LRFN5: variants seen among roughly 807,000 people sequenced by gnomAD.
LRFN5 encodes the protein leucine rich repeat and fibronectin type III domain containing 5, also known as leucine-rich repeat and fibronectin type-III domain-containing protein 5.
A neutral mutation model predicts 45.6 loss-of-function variants in LRFN5; 24 were observed. The ratio of observed to expected loss-of-function variants is 0.53; its 90% CI spans 0.38 to 0.74. The LOEUF (loss-of-function observed/expected upper bound fraction) is 0.74, where lower values mean the gene tolerates loss of function less well. Ranked by LOEUF, LRFN5 falls within the 30% of genes least tolerant of loss-of-function variation. LRFN5 has a pLI of 0.00. For synonymous variants in LRFN5, 340 were observed against 313.8 expected (o/e 1.08, Z -0.88); for missense variants, 776 against 861.5 (o/e 0.90, Z 1.24).
At chr14:41,751,879 A>C in intron 1 of LRFN5, among the ~76,000 whole-genome samples, 1 of 151,520 alleles carries the variant, frequency 6.6e-6, no homozygotes, top group Non-Finnish European at 1.5e-5. Context: ...TTGTCATTTA[A>C]CATTAGGCAT....
intron 1 of LRFN5, among the ~76,000 whole-genome samples, chr14:41,675,256 G>A (rs1203714215): frequency 2.6e-5 from 4 of 152,250 alleles, no homozygotes; most frequent in Non-Finnish European, 4.4e-5. Context: ...GCAGGCGGGT[G>A]GGAGGTGGAG....
At chr14:41,700,009 A>T (rs568586150) in intron 1 of LRFN5, 1 of 152,270 alleles carries the variant, frequency 6.6e-6, no homozygotes, top group African/African-American at 2.4e-5. Context: ...CAACTCAGGA[A>T]AAAATGATCA....
intron 1 of LRFN5, among the ~76,000 whole-genome samples, chr14:41,728,475 C>T (rs1424742085): frequency 6.6e-6 from 1 of 152,100 alleles, no homozygotes; most frequent in African/African-American, 2.4e-5. Context: ...GGAAGTCTTT[C>T]AAGTATGAAA....
At chr14:41,833,000 A>G (rs954518689) in intron 2 of LRFN5, among the ~76,000 whole-genome samples, 1 of 152,136 alleles carries the variant, frequency 6.6e-6, no homozygotes, top group African/African-American at 2.4e-5. Context: ...ATGTGGTCCA[A>G]TGGTCCTATA....
intron 1 of LRFN5, among the ~76,000 whole-genome samples, chr14:41,674,984 C>G (rs1446694755): frequency 6.7e-6 from 1 of 149,930 alleles, no homozygotes; most frequent in Non-Finnish European, 1.5e-5. Flanking sequence ...GGCAAAGTCG[C>G]TCCCCACATC....
At chr14:41,759,172 A>T (rs1002706879) in intron 1 of LRFN5, among the ~76,000 whole-genome samples, 6 of 152,170 alleles carry the variant, frequency 3.9e-5, no homozygotes, top group Admixed American at 2.6e-4. Context: ...TGTGTTTTTA[A>T]GTCCTCCTTC....
chr14:41,659,735 A>T (rs1880549549), intron 1 of LRFN5, among the ~76,000 whole-genome samples: 1 of 152,038 alleles, frequency 6.6e-6, no homozygotes, highest in South Asian at 2.1e-4. Flanking sequence ...CTTTTTAATG[A>T]TCGCCATTCT....
intron 1 of LRFN5, among the ~76,000 whole-genome samples, chr14:41,632,020 A>G (rs145903894): frequency 5.4e-4 from 82 of 152,266 alleles, no homozygotes; most frequent in African/African-American, 1.9e-3. Context: ...ACACAAAGGA[A>G]AAACAAGGGA....
At chr14:41,652,518 A>T (rs1249042825) in intron 1 of LRFN5, among the ~76,000 whole-genome samples, 1 of 152,218 alleles carries the variant, frequency 6.6e-6, no homozygotes. Context: ...AATCAATAAA[A>T]TAAGTTTAGC....
chr14:41,725,549 T>C (rs1299618275), intron 1 of LRFN5, among the ~76,000 whole-genome samples: 1 of 139,764 alleles, frequency 7.2e-6, no homozygotes, highest in Non-Finnish European at 1.6e-5. Context: ...CTTAATTCCA[T>C]AGTTGTTGTA....
At chr14:41,696,443 A>G (rs1448585313) in intron 1 of LRFN5, among the ~76,000 whole-genome samples, 4 of 149,880 alleles carry the variant, frequency 2.7e-5, no homozygotes, top group East Asian at 4.0e-4. Context: ...AATATTTTGT[A>G]TATTCGTATA....
intron 1 of LRFN5, among the ~76,000 whole-genome samples, chr14:41,685,321 GT>G (rs201119650): frequency 1.3e-5 from 2 of 151,846 alleles, no homozygotes; most frequent in South Asian, 4.2e-4. Flanking sequence ...AAGGAAATCA[GT>G]TTTTTTTGAA....
intron 2 of LRFN5, among the ~76,000 whole-genome samples, chr14:41,832,592 C>T (rs1370968830): frequency 6.6e-5 from 10 of 152,118 alleles, no homozygotes; most frequent in African/African-American, 1.9e-4. Flanking sequence ...GAGCTGTTCA[C>T]CTTTGCACAA....
intron 1 of LRFN5, among the ~76,000 whole-genome samples, chr14:41,742,463 A>G (rs1884742263): frequency 6.6e-6 from 1 of 152,170 alleles, no homozygotes; most frequent in Admixed American, 6.6e-5. Context: ...ATAGTTTATG[A>G]TCTAACTTAT....
In LRFN5 at chr14:41,778,124, A is replaced by G. The variant is rs576903105; in HGVS notation, c.-21+11095A>G. Reference sequence around the variant, plus strand: ...TAATGTCCCTTCTCAGCTCTTTTCCAGAAAACTTTATTTTGGCATATTTAA... The same window carrying G: ...TAATGTCCCTTCTCAGCTCTTTTCCGGAAAACTTTATTTTGGCATATTTAA... On this transcript the variant is annotated intron_variant, in intron 2 of 5. Transcript: ENST00000298119. Among the ~76,000 whole-genome samples, 3 of 151,694 alleles carry G rather than the reference A, an allele frequency of 2.0e-5. No homozygotes were observed. In the South Asian group the frequency reaches 6.2e-4, roughly 31 times the overall value.
chr14:41,640,221 G>A (rs1017267523), intron 1 of LRFN5, among the ~76,000 whole-genome samples: 2 of 151,930 alleles, frequency 1.3e-5, no homozygotes, highest in African/African-American at 2.4e-5. Flanking sequence ...TTCCAAATAA[G>A]CTTTGTCAAT....
At chr14:41,699,186 T>C (rs1882737543) in intron 1 of LRFN5, among the ~76,000 whole-genome samples, 1 of 152,230 alleles carries the variant, frequency 6.6e-6, no homozygotes, top group Admixed American at 6.6e-5. Flanking sequence ...TTTATTAAAA[T>C]GAATATTCTT....
At chr14:41,644,223 A>G (rs530765659) in intron 1 of LRFN5, among the ~76,000 whole-genome samples, 7 of 152,300 alleles carry the variant, frequency 4.6e-5, no homozygotes, top group Admixed American at 2.0e-4. Context: ...TTGATAATAT[A>G]GATACTTCAT....
chr14:41,902,672 A>G (rs937260281), intron 5 of LRFN5, among the ~76,000 whole-genome samples: 3 of 151,862 alleles, frequency 2.0e-5, no homozygotes, highest in African/African-American at 7.2e-5. Flanking sequence ...AAAGTTTGCT[A>G]TCCTGGAACC....
Sources: gnomAD v4.1 joint callset for allele counts (sites outside exome capture counted in the v4.1 genomes callset) on GRCh38, gnomAD v4.1.1 for gene constraint, MANE v1.5 for transcripts, NCBI Gene and HGNC (gene_info 2026-07-23, HGNC 2026-07-21) for gene names.